The following PIR variants were observed in gnomAD, a reference collection of about 807,000 sequenced individuals.
PIR encodes the protein pirin.
In PIR, 22 loss-of-function variants were observed where a neutral mutation model predicts 24.2. The ratio of observed to expected loss-of-function variants is 0.91; its 90% CI spans 0.65 to 1.30. The LOEUF is 1.30. PIR is among the 50% of genes most tolerant of loss of function. The pLI is 0.00. For missense variants in PIR, 220 were observed against 220.3 expected, an observed-to-expected ratio of 1.00 and a Z score of 0.01; for synonymous variants, 80 against 79.6, an observed-to-expected ratio of 1.00 and a Z score of -0.03.
At chrX:15,492,720 T>C (rs976348209) in intron 1 of PIR, among the ~76,000 whole-genome samples, 1 of 111,663 alleles carries the variant, frequency 9.0e-6, no homozygotes, top group Admixed American at 9.5e-5. Context: ...GTTAGTGCTA[T>C]GAGAATGTTA....
intron 8 of PIR, among the ~76,000 whole-genome samples, chrX:15,393,450 C>T (rs1411290155): frequency 9.0e-6 from 1 of 111,311 alleles, no homozygotes; most frequent in Non-Finnish European, 1.9e-5. Context: ...GAATCTAAGG[C>T]ATGGGTCCCC....
At chrX:15,487,037 G>A (rs888998625) in intron 2 of PIR, among the ~76,000 whole-genome samples, 4 of 111,614 alleles carry the variant, frequency 3.6e-5, no homozygotes, top group Middle Eastern at 4.2e-3. Context: ...CCTCAAGATT[G>A]ACTCCAACAC....
intron 6 of PIR, among the ~76,000 whole-genome samples, chrX:15,423,792 T>C (rs1925214458): frequency 9.0e-6 from 1 of 111,675 alleles, no homozygotes; most frequent in Non-Finnish European, 1.9e-5. Context: ...AAAGAAGACA[T>C]ACAAATGGGC....
chrX:15,491,350 G>A, intron 1 of PIR, 41 bp from the exon 2 acceptor site: 1 of 552,707 alleles, frequency 1.8e-6, no homozygotes. Flanking sequence ...TCATAAAGGA[G>A]GGAACATCCA....
At chrX:15,478,140 A>G (rs1307478816) in intron 3 of PIR, among the ~76,000 whole-genome samples, 1 of 110,187 alleles carries the variant, frequency 9.1e-6, no homozygotes, top group African/African-American at 3.3e-5. Context: ...AGTAGTTACT[A>G]TCTCCACACA....
chrX:15,415,835 C>T (rs947495441), intron 6 of PIR, among the ~76,000 whole-genome samples: 2 of 110,755 alleles, frequency 1.8e-5, no homozygotes, highest in African/African-American at 6.6e-5. Context: ...CAACAAAGCA[C>T]TTATAGTAGA....
intron 5 of PIR, among the ~76,000 whole-genome samples, chrX:15,433,547 AG>A (rs748060886): frequency 0.18 from 10,615 of 60,506 alleles, 1,327 homozygotes; most frequent in African/African-American, 0.21. Flanking sequence ...AAAGAAAGAG[AG>A]AGAAAGAAAG....
intron 5 of PIR, among the ~76,000 whole-genome samples, chrX:15,445,603 A>T (rs907279320): frequency 3.6e-5 from 4 of 111,223 alleles, no homozygotes; most frequent in African/African-American, 9.8e-5. Flanking sequence ...GTAAATTGTC[A>T]TTGTTTTATT....
chrX:15,438,115 AGAG>A (rs760673987), intron 5 of PIR, among the ~76,000 whole-genome samples: 366 of 112,714 alleles, frequency 3.2e-3, no homozygotes, highest in Non-Finnish European at 5.6e-3. Context: ...TCCACAAACA[AGAG>A]GAGAAGTAGT....
intron 1 of PIR, among the ~76,000 whole-genome samples, chrX:15,492,127 C>T (rs1309616571): frequency 9.2e-6 from 1 of 109,253 alleles, no homozygotes; most frequent in Non-Finnish European, 1.9e-5. Flanking sequence ...GTTTGTGTGG[C>T]GCCTTAGAGA....
At chrX:15,436,278 C>T (rs1237535142) in intron 5 of PIR, among the ~76,000 whole-genome samples, 3 of 111,893 alleles carry the variant, frequency 2.7e-5, no homozygotes, top group Non-Finnish European at 5.6e-5. Flanking sequence ...TCTTGTCCTT[C>T]TCTTTCTCAC....
chrX:15,477,399 C>A (rs1922249909), intron 3 of PIR, among the ~76,000 whole-genome samples: 1 of 111,825 alleles, frequency 8.9e-6, no homozygotes, highest in Admixed American at 9.5e-5. Flanking sequence ...TGTGTTCCTG[C>A]AAGCCTCTGG....
chrX:15,490,016 T>C (rs1227524557), intron 2 of PIR, among the ~76,000 whole-genome samples: 2 of 111,633 alleles, frequency 1.8e-5, no homozygotes, highest in East Asian at 2.8e-4. Flanking sequence ...ATGGTGACTA[T>C]AGTTAATAAC....
intron 2 of PIR, among the ~76,000 whole-genome samples, chrX:15,481,029 T>A (rs1302780452): frequency 8.9e-6 from 1 of 112,648 alleles, no homozygotes; most frequent in Admixed American, 9.4e-5. Flanking sequence ...GGTAGATATT[T>A]ATGAGACAAA....
chrX:15,467,324 C>T (rs186674483), intron 3 of PIR, among the ~76,000 whole-genome samples: 23 of 112,574 alleles, frequency 2.0e-4, no homozygotes, highest in Admixed American at 4.7e-4. Flanking sequence ...CCCCATGCTG[C>T]CTCACAAATG....
At chrX:15,417,314 A>G (rs186723669) in intron 6 of PIR, among the ~76,000 whole-genome samples, 1 of 112,659 alleles carries the variant, frequency 8.9e-6, no homozygotes, top group Non-Finnish European at 1.9e-5. Flanking sequence ...TTGCAAGACA[A>G]TACATGTTGT....
At chrX:15,395,078 C>T (rs374184372) in intron 8 of PIR, among the ~76,000 whole-genome samples, 20 of 111,743 alleles carry the variant, frequency 1.8e-4, no homozygotes, top group African/African-American at 1.6e-4. Context: ...GGGATTGGCG[C>T]GGCACTGGGC....
intron 5 of PIR, among the ~76,000 whole-genome samples, chrX:15,428,728 C>T (rs914272210): frequency 9.9e-5 from 11 of 111,039 alleles, no homozygotes; most frequent in African/African-American, 2.6e-4. Context: ...AGGCTGGTTT[C>T]GGACTCCTGG....
At chrX:15,420,995 T>C (rs1037249493) in intron 6 of PIR, among the ~76,000 whole-genome samples, 4 of 112,087 alleles carry the variant, frequency 3.6e-5, no homozygotes, top group Non-Finnish European at 7.5e-5. Flanking sequence ...AATGCACATA[T>C]ATGTCAGTGT....
Sources: allele counts gnomAD v4.1 joint callset (sites outside exome capture counted in the v4.1 genomes callset), GRCh38; gene constraint gnomAD v4.1.1; transcripts MANE v1.5; gene names NCBI Gene and HGNC (gene_info 2026-07-23, HGNC 2026-07-21).